PTH1R: variants seen among roughly 807,000 people sequenced by gnomAD.
PTH1R encodes the protein parathyroid hormone/parathyroid hormone-related peptide receptor.
In PTH1R, 32 loss-of-function variants were observed where a neutral mutation model predicts 70.7. The observed-to-expected ratio is 0.45, with a 90% CI of 0.34 to 0.61. PTH1R has a LOEUF of 0.61. Among genes scored for constraint, PTH1R ranks in the 20% least tolerant of loss-of-function variants. The probability of loss-of-function intolerance (pLI) is 0.01; values close to 1 mark genes in which losing one functional copy is unlikely to be tolerated. For missense variants in PTH1R, 626 were observed against 792.5 expected, an observed-to-expected ratio of 0.79 and a Z score of 2.52; for synonymous variants, 329 against 324.8, an observed-to-expected ratio of 1.01 and a Z score of -0.14.
chr3:46,903,192 C>CT lies in PTH1R; in HGVS notation c.1396-77dup. 5 of 1,586,064 alleles carry CT rather than the reference C, an allele frequency of 3.2e-6. No homozygotes were observed. Among genetic ancestry groups the CT allele is most frequent in the Non-Finnish European group, 4.3e-6 (5 of 1,168,174 alleles). On this transcript the variant is annotated intron_variant, in intron 15 of 15. Transcript: ENST00000449590. This position sits in a 1 kb window ranked among gnomAD's most constrained non-coding sequence, Gnocchi z 4.4. ...CCCCTATTCCCATTTTCATTCCGTG[C>CT]TGGGTGTCCAGGGGCCGGGATGGGG...
rs370461607 is a variant in PTH1R at position 46,903,251 on chromosome 3, G to C, written c.1396-19G>C. ...GGGTTGGGAGACACACCTGACTGCC[G>C]CACCCTTACTGCCCCAAGGTACAAG... On this transcript the variant is annotated intron_variant, in intron 15 of 15. Transcript: ENST00000449590. This position sits in a 1 kb window ranked among gnomAD's most constrained non-coding sequence, Gnocchi z 4.4. The C allele has an allele frequency of 6.2e-7, 1 of 1,611,674 alleles. No individual in the cohort carries two copies. Among genetic ancestry groups the C allele is most frequent in the South Asian group, 1.1e-5 (1 of 90,928 alleles).
chr3:46,901,364 C>G lies in PTH1R; in HGVS notation c.1050-50C>G. On this transcript the variant is annotated intron_variant, in intron 11 of 15. Coordinates refer to ENST00000449590, the MANE Select transcript of PTH1R (RefSeq NM_000316.3). The surrounding 1 kb of genome is among the most constrained non-coding windows in gnomAD (Gnocchi z 7.3). ...CCAAATCTGGGTCTCTGTGGGCAGTCTTAGGATGGGAACAGGAGGGATGGG... is the reference window on the plus strand; with the variant it reads ...CCAAATCTGGGTCTCTGTGGGCAGTGTTAGGATGGGAACAGGAGGGATGGG... 6.5e-7 allele frequency: 1 copy of G among 1,549,426 alleles called. No individual in the cohort carries two copies. The highest frequency in any genetic ancestry group is 8.7e-7 in the Non-Finnish European group (1 of 1,144,970).
chr3:46,885,376 G>A (rs932211794), intron 3 of PTH1R, among the ~76,000 whole-genome samples: 14 of 152,120 alleles, frequency 9.2e-5, no homozygotes, highest in African/African-American at 3.4e-4. Context: ...CTTTCTACTT[G>A]CCATTGTTCT....
At chr3:46,894,841 T>C (rs1575518138) in intron 4 of PTH1R, among the ~76,000 whole-genome samples, 1 of 151,956 alleles carries the variant, frequency 6.6e-6, no homozygotes, top group Non-Finnish European at 1.5e-5. Flanking sequence ...AGGAAGACTT[T>C]GTGGCTAGGA....
In PTH1R at chr3:46,896,074, G is replaced by T. The variant is rs2031733508; in HGVS notation, c.313+205G>T. Reference sequence around the variant, plus strand: ...GATGGCTCAGGCCTCAGAAAGAGATGAACAGAGAACTCTCCAGCACCACAC... The same window carrying T: ...GATGGCTCAGGCCTCAGAAAGAGATTAACAGAGAACTCTCCAGCACCACAC... On this transcript the variant is annotated intron_variant, in intron 5 of 15. Transcript: ENST00000449590. The surrounding 1 kb of genome is among the most constrained non-coding windows in gnomAD (Gnocchi z 4.1). Among the ~76,000 whole-genome samples the T allele has an allele frequency of 6.6e-6, 1 of 152,146 alleles. No individual in the cohort carries two copies. The highest frequency in any genetic ancestry group is 1.5e-5 in the Non-Finnish European group (1 of 68,032).
chr3:46,888,543 G>A (rs1267593781), intron 3 of PTH1R, among the ~76,000 whole-genome samples: 6 of 152,144 alleles, frequency 3.9e-5, no homozygotes, highest in African/African-American at 4.8e-5. Flanking sequence ...GTGGGGCGAG[G>A]GTTTTGCAGA....
Position 46,902,389 on chromosome 3 carries a change from G to T in PTH1R, c.1212-137G>T. ...AGGACAGCAGCCATGCAGGTGAACTGGGTTGTCCTCCCATGGTGACTGGAG... is the reference window on the plus strand; with the variant it reads ...AGGACAGCAGCCATGCAGGTGAACTTGGTTGTCCTCCCATGGTGACTGGAG... On this transcript the variant is annotated intron_variant, in intron 13 of 15. Transcript: ENST00000449590. This position sits in a 1 kb window ranked among gnomAD's most constrained non-coding sequence, Gnocchi z 5.4. The T allele has an allele frequency of 1.7e-6, 2 of 1,186,198 alleles. No homozygotes were observed. The highest frequency in any genetic ancestry group is 1.2e-6 in the Non-Finnish European group (1 of 823,336). 73.5% of individuals were successfully genotyped at this position (1,186,198 alleles called of 1,614,324 possible).
chr3:46,886,524 A>T (rs1466346608), intron 3 of PTH1R, among the ~76,000 whole-genome samples: 1 of 151,836 alleles, frequency 6.6e-6, no homozygotes, highest in African/African-American at 2.4e-5. Context: ...TGCCCAGCTA[A>T]TTTTTTGTAT....
chr3:46,901,868 C>CACCATGCCT lies in PTH1R; in HGVS notation c.1211+9_1211+17dup. 6.2e-7 allele frequency: 1 copy of CACCATGCCT among 1,611,690 alleles called. No individual in the cohort carries two copies. The highest frequency in any genetic ancestry group is 8.5e-7 in the Non-Finnish European group (1 of 1,178,106). On this transcript the variant is annotated intron_variant, in intron 13 of 15. Coordinates refer to ENST00000449590, the MANE Select transcript of PTH1R (RefSeq NM_000316.3). This position sits in a 1 kb window ranked among gnomAD's most constrained non-coding sequence, Gnocchi z 7.3. ...CACACGGCAGCAGTACCGGTGAGCCCACCATGCCTGCCATGCCCTGGCTCC... is the reference window on the plus strand; with the variant it reads ...CACACGGCAGCAGTACCGGTGAGCCCACCATGCCTACCATGCCTGCCATGCCCTGGCTCC...
In PTH1R at chr3:46,892,156, C is replaced by T. The variant is rs2107000016; in HGVS notation, c.76-1751C>T. Among the ~76,000 whole-genome samples, 1 of 152,256 alleles carries T rather than the reference C, an allele frequency of 6.6e-6. No homozygotes were observed. The highest frequency in any genetic ancestry group is 1.9e-4 in the East Asian group (1 of 5,182). On this transcript the variant is annotated intron_variant, in intron 3 of 15. Transcript: ENST00000449590. This position sits in a 1 kb window ranked among gnomAD's most constrained non-coding sequence, Gnocchi z 5.2. ...AGAGACTAGGATAGAGGAGCTTAGGCCAGCCGCCAGCACGTGAGGATCTGC... is the reference window on the plus strand; with the variant it reads ...AGAGACTAGGATAGAGGAGCTTAGGTCAGCCGCCAGCACGTGAGGATCTGC...
In PTH1R at chr3:46,882,973, C is replaced by T. The variant is rs899681847; in HGVS notation, c.-48-539C>T. On this transcript the variant is annotated intron_variant, in intron 2 of 15. Coordinates refer to ENST00000449590, the MANE Select transcript of PTH1R (RefSeq NM_000316.3). The surrounding 1 kb of genome is among the most constrained non-coding windows in gnomAD (Gnocchi z 4.3). The stretch of plus-strand genomic sequence containing the variant: ...GATCGCACCCCCTAACTGCACGCCC[C>T]GCGCGGCTCAGAACGCGCCCCCTGC... 1.3e-5 allele frequency among the ~76,000 whole-genome samples: 2 copies of T among 152,006 alleles called. No homozygotes were observed. Among genetic ancestry groups the T allele is most frequent in the African/African-American group, 4.8e-5 (2 of 41,484 alleles).
intron 1 of PTH1R, 99 bp from the exon 2 acceptor site, chr3:46,880,963 C>A (rs1328128564): frequency 1.3e-5 from 2 of 152,176 alleles, no homozygotes; most frequent in Non-Finnish European, 2.9e-5. Context: ...GTCTTGAGAG[C>A]CCCTGGAGCC....
At chr3:46,900,944 G>A (rs1263305757) in intron 10 of PTH1R, 81 bp from the exon 11 acceptor site, 2 of 1,455,434 alleles carry the variant, frequency 1.4e-6, no homozygotes, top group Non-Finnish European at 1.9e-6. Context: ...GGGGTAAGCT[G>A]GGGGTCATCG....
intron 1 of PTH1R, among the ~76,000 whole-genome samples, chr3:46,878,221 G>A (rs1408762480): frequency 1.3e-5 from 2 of 152,238 alleles, no homozygotes; most frequent in African/African-American, 2.4e-5. Context: ...AGCCTCCAGC[G>A]ACTCAGCTGG....
chr3:46,877,729 CCTTGCTT>C lies in PTH1R; in HGVS notation c.-219_-213del, dbSNP rs1297081785. 6.6e-6 allele frequency: 1 copy of C among 152,268 alleles called. No homozygotes were observed. The highest frequency in any genetic ancestry group is 1.5e-5 in the Non-Finnish European group (1 of 68,058). 9.4% of individuals were successfully genotyped at this position (152,268 alleles called of 1,614,324 possible). A position where few individuals can be genotyped will look rare whatever the true frequency, so the allele number is the denominator to read the frequency against. ...CTTTTCTTGTCCCCAGCAGCACTAT[CCTTGCTT>C]AGGCCTGAGCCACAGAAGCTGCTCA... On this transcript the variant is annotated 5_prime_UTR_variant, in exon 1 of 16. Coordinates refer to ENST00000449590, the MANE Select transcript of PTH1R (RefSeq NM_000316.3).
chr3:46,894,041 A>G, intron 4 of PTH1R, 32 bp downstream of exon 4: 12 of 1,602,650 alleles, frequency 7.5e-6, no homozygotes, highest in Non-Finnish European at 1.0e-5. Flanking sequence ...TCTGGGGATG[A>G]GGTCAGGTGA....
Position 46,899,153 on chromosome 3 carries a change from C to T in PTH1R, c.835-150C>T, listed in dbSNP as rs2031957309. 3.9e-6 allele frequency: 4 copies of T among 1,034,754 alleles called. No homozygotes were observed. In the South Asian group the frequency reaches 4.1e-5, roughly 11 times the overall value. The allele number at this position is 1,034,754 out of a possible 1,614,324, so 64.1% of individuals were successfully genotyped here. On this transcript the variant is annotated intron_variant, in intron 9 of 15. Coordinates refer to ENST00000449590, the MANE Select transcript of PTH1R (RefSeq NM_000316.3). ...GCCTCCTGCCCCTGACACCGCATCCCCCTGAGAGAGCCCCCCAAACGAAGC... is the reference window on the plus strand; with the variant it reads ...GCCTCCTGCCCCTGACACCGCATCCTCCTGAGAGAGCCCCCCAAACGAAGC...
At chr3:46,890,922 A>G (rs2031380339) in intron 3 of PTH1R, among the ~76,000 whole-genome samples, 1 of 152,212 alleles carries the variant, frequency 6.6e-6, no homozygotes, top group Admixed American at 6.5e-5. Context: ...GGCTGGTGGC[A>G]GAATCTCCTT....
chr3:46,903,719 G>T lies in PTH1R; in HGVS notation c.*63G>T. ...GGACAGATGGACCAAAAGATGGGTGGTTGAATGATTTCCCACTCAGGGCTG... is the reference window on the plus strand; with the variant it reads ...GGACAGATGGACCAAAAGATGGGTGTTTGAATGATTTCCCACTCAGGGCTG... On this transcript the variant is annotated 3_prime_UTR_variant, in exon 16 of 16. Transcript: ENST00000449590. This position sits in a 1 kb window ranked among gnomAD's most constrained non-coding sequence, Gnocchi z 4.4. The T allele has an allele frequency of 6.3e-7, 1 of 1,598,240 alleles. No homozygotes were observed. The highest frequency in any genetic ancestry group is 1.7e-5 in the Admixed American group (1 of 59,834).
Sources: gnomAD v4.1 joint callset for allele counts (sites outside exome capture counted in the v4.1 genomes callset) on GRCh38, gnomAD v4.1.1 for gene constraint, Gnocchi (gnomAD v3.1) non-coding constraint, MANE v1.5 for transcripts, NCBI Gene and HGNC (gene_info 2026-07-23, HGNC 2026-07-21) for gene names.